Variants in SLC24A3 observed in about 807,000 individuals in gnomAD.
The protein encoded by SLC24A3 is solute carrier family 24 member 3, also known as sodium/potassium/calcium exchanger 3.
A neutral mutation model predicts 75.8 loss-of-function variants in SLC24A3; 28 were observed. The observed-to-expected ratio is 0.37, with a 90% CI of 0.27 to 0.51. SLC24A3 has a LOEUF of 0.51. SLC24A3 is among the 20% of genes least tolerant of loss of function. SLC24A3 has a pLI of 0.94. For synonymous variants in SLC24A3, 372 were observed against 334.1 expected (o/e 1.11, Z -1.24); for missense variants, 663 against 847.8 (o/e 0.78, Z 2.71).
At chr20:19,250,300 G>A (rs1355009873) in intron 1 of SLC24A3, among the ~76,000 whole-genome samples, 2 of 152,186 alleles carry the variant, frequency 1.3e-5, no homozygotes, top group African/African-American at 4.8e-5. Context: ...CTTGATTGCT[G>A]GGATACACAT....
At chr20:19,454,523 A>G (rs1987545682) in intron 2 of SLC24A3, among the ~76,000 whole-genome samples, 1 of 152,196 alleles carries the variant, frequency 6.6e-6, no homozygotes, top group Non-Finnish European at 1.5e-5. Flanking sequence ...AATGTGATTC[A>G]TGGCCCAGGC....
intron 1 of SLC24A3, among the ~76,000 whole-genome samples, chr20:19,249,009 G>A (rs1165495095): frequency 6.6e-6 from 1 of 151,402 alleles, no homozygotes; most frequent in Non-Finnish European, 1.5e-5. Context: ...GCAGATGTTG[G>A]TCCAAGGATA....
At chr20:19,465,400 T>A (rs1410604931) in intron 2 of SLC24A3, among the ~76,000 whole-genome samples, 6 of 150,486 alleles carry the variant, frequency 4.0e-5, no homozygotes, top group African/African-American at 1.5e-4. Flanking sequence ...TTTTTTTTTT[T>A]ATCAAAACAC....
rs143213932 is a variant in SLC24A3, at chr20:19,653,269, G to A, written c.613-793G>A. ...CCTAGCAGCCCCCTCCTCTTGCAGG[G>A]AAAGGCTGCTTTAGCCTCCAGCAAT... On this transcript the variant is annotated intron_variant, in intron 6 of 16. Coordinates refer to ENST00000328041, the MANE Select transcript of SLC24A3 (RefSeq NM_020689.4). Among the ~76,000 whole-genome samples, 706 of 152,284 alleles carry A rather than the reference G, an allele frequency of 4.6e-3. 5 individuals are homozygous for A. Among genetic ancestry groups the A allele is most frequent in the African/African-American group, 0.016 (669 of 41,548 alleles).
chr20:19,543,547 G>A (rs757839278), intron 3 of SLC24A3, among the ~76,000 whole-genome samples: 35 of 152,180 alleles, frequency 2.3e-4, no homozygotes, highest in Non-Finnish European at 4.0e-4. Flanking sequence ...CAGCTGCCAG[G>A]CCGGGGAGGG....
Position 19,556,678 on chromosome 20 carries a change from C to T in SLC24A3, c.349-23322C>T, listed in dbSNP as rs2030791729. On this transcript the variant is annotated intron_variant, in intron 3 of 16. Transcript: ENST00000328041. ...CGGCTTGTCACAACTGGTTGGGACA[C>T]TGTTGCCCAAGTTTCTCAAGTGATT... 2.0e-5 allele frequency among the ~76,000 whole-genome samples: 3 copies of T among 151,770 alleles called. No individual in the cohort carries two copies. In the South Asian group the frequency reaches 6.2e-4, roughly 32 times the overall value.
chr20:19,276,040 C>A (rs529204648), intron 1 of SLC24A3, among the ~76,000 whole-genome samples: 2 of 152,170 alleles, frequency 1.3e-5, no homozygotes, highest in East Asian at 3.9e-4. Flanking sequence ...CTTTGTGGAG[C>A]GGCCTCTTTG....
chr20:19,492,356 T>A (rs2122531854), intron 2 of SLC24A3, among the ~76,000 whole-genome samples: 1 of 152,306 alleles, frequency 6.6e-6, no homozygotes, highest in Non-Finnish European at 1.5e-5. Flanking sequence ...CCTTTCTGAA[T>A]CAAATCTCCA....
chr20:19,572,890 T>TA lies in SLC24A3; in HGVS notation c.349-7101dup, dbSNP rs549324488. Among the ~76,000 whole-genome samples the TA allele has an allele frequency of 1.5e-4, 23 of 151,608 alleles. No homozygotes were observed. The East Asian group carries it at 2.9e-3, about 19-fold the overall frequency. On this transcript the variant is annotated intron_variant, in intron 3 of 16. Transcript: ENST00000328041. ...AGCCTGTGATCAGGGAAAATAAATT[T>TA]AAAAAAAAACTTTTATATTCCAAGC...
Position 19,430,580 on chromosome 20 carries a change from G to T in SLC24A3, c.272-84908G>T, listed in dbSNP as rs111230819. On this transcript the variant is annotated intron_variant, in intron 2 of 16. Coordinates refer to ENST00000328041, the MANE Select transcript of SLC24A3 (RefSeq NM_020689.4). The stretch of plus-strand genomic sequence containing the variant: ...TGTAGTCTTCAGGGAGAGTGCTAAT[G>T]GGGAAAATAGTGCATAGAAATGCAG... 9.2e-5 allele frequency among the ~76,000 whole-genome samples: 14 copies of T among 152,288 alleles called. No homozygotes were observed. The East Asian group carries it at 2.5e-3, about 27-fold the overall frequency.
chr20:19,257,142 C>A (rs1412681161), intron 1 of SLC24A3, among the ~76,000 whole-genome samples: 1 of 152,144 alleles, frequency 6.6e-6, no homozygotes, highest in Admixed American at 6.5e-5. Context: ...TTTTTGAAAA[C>A]CATTTGCAAA....
chr20:19,689,890 G>A (rs2032725449), intron 12 of SLC24A3, among the ~76,000 whole-genome samples: 1 of 151,996 alleles, frequency 6.6e-6, no homozygotes, highest in Non-Finnish European at 1.5e-5. Flanking sequence ...AGTTAGCCAG[G>A]CATGGTGGCA....
At position 19,258,223 on chromosome 20, in the gene SLC24A3, C is replaced by CCCCACAG. The variant is rs1982873963; in HGVS notation, c.143-22735_143-22734insCCACAGC. ...AGGCGGGCACCTTTGCTGCCTCTGCCCTCACAGCTCTTCTTCCCACCCCAT... is the reference window on the plus strand; with the variant it reads ...AGGCGGGCACCTTTGCTGCCTCTGCCCCCACAGCTCACAGCTCTTCTTCCCACCCCAT... On this transcript the variant is annotated intron_variant, in intron 1 of 16. Coordinates refer to ENST00000328041, the MANE Select transcript of SLC24A3 (RefSeq NM_020689.4). Among the ~76,000 whole-genome samples, 3 of 152,188 alleles carry CCCCACAG rather than the reference C, an allele frequency of 2.0e-5. No homozygotes were observed. In the South Asian group the frequency reaches 6.2e-4, roughly 32 times the overall value.
chr20:19,424,266 G>A (rs1394796022), intron 2 of SLC24A3, among the ~76,000 whole-genome samples: 1 of 152,194 alleles, frequency 6.6e-6, no homozygotes, highest in Non-Finnish European at 1.5e-5. Flanking sequence ...TTCAAGAATA[G>A]TACCATAAAT....
intron 3 of SLC24A3, among the ~76,000 whole-genome samples, chr20:19,516,790 A>G (rs1052340833): frequency 6.6e-6 from 1 of 152,182 alleles, no homozygotes; most frequent in Non-Finnish European, 1.5e-5. Context: ...GTCACAGCCC[A>G]CTGTGATTCA....
intron 2 of SLC24A3, among the ~76,000 whole-genome samples, chr20:19,440,535 GGT>G (rs757649766): frequency 3.2e-4 from 48 of 152,186 alleles, no homozygotes; most frequent in South Asian, 1.5e-3. Flanking sequence ...CAAACCATGA[GGT>G]AAGAGAGAGA....
intron 2 of SLC24A3, among the ~76,000 whole-genome samples, chr20:19,383,697 G>T (rs1237142923): frequency 2.0e-5 from 3 of 152,182 alleles, no homozygotes; most frequent in Non-Finnish European, 4.4e-5. Context: ...ATAAACAACA[G>T]AAATTTCTTT....
At chr20:19,633,727 C>T (rs559437920) in intron 6 of SLC24A3, among the ~76,000 whole-genome samples, 1 of 151,910 alleles carries the variant, frequency 6.6e-6, no homozygotes, top group African/African-American at 2.4e-5. Context: ...AAGTTAGTTC[C>T]CTCTTTAAAG....
At chr20:19,511,413 C>T (rs1406486100) in intron 2 of SLC24A3, among the ~76,000 whole-genome samples, 1 of 151,678 alleles carries the variant, frequency 6.6e-6, no homozygotes, top group African/African-American at 2.4e-5. Context: ...CTGCAAGCTC[C>T]GCCTCTCAGG....
Sources: gnomAD v4.1 joint callset for allele counts (sites outside exome capture counted in the v4.1 genomes callset) on GRCh38, gnomAD v4.1.1 for gene constraint, MANE v1.5 for transcripts, NCBI Gene and HGNC (gene_info 2026-07-23, HGNC 2026-07-21) for gene names.